The following GFRA2 variants were observed in gnomAD, a reference collection of about 807,000 sequenced individuals.
GFRA2 encodes GDNF family receptor alpha-2.
Under a neutral mutation model 48.3 loss-of-function variants are expected in GFRA2, and 17 were observed. The observed-to-expected ratio is 0.35, with a 90% CI of 0.24 to 0.53. The LOEUF (loss-of-function observed/expected upper bound fraction) is 0.53. Ranked by LOEUF, GFRA2 falls within the 20% of genes least tolerant of loss-of-function variation. GFRA2 has a pLI of 0.93. For missense variants in GFRA2, 660 were observed against 637.3 expected (o/e 1.04, Z -0.38); for synonymous variants, 305 against 257.2 (o/e 1.19, Z -1.78).
chr8:21,764,855 C>T (rs2117661980), intron 3 of GFRA2, among the ~76,000 whole-genome samples: 1 of 152,294 alleles, frequency 6.6e-6, no homozygotes, highest in African/African-American at 2.4e-5. Context: ...TTCACTACTC[C>T]CCTTCCTAGC....
Position 21,788,676 on chromosome 8 carries a change from CGA to C in GFRA2, c.-519_-518del. 4.1e-6 allele frequency: 4 copies of C among 985,790 alleles called. No homozygotes were observed. Among genetic ancestry groups the C allele is most frequent in the Non-Finnish European group, 4.8e-6 (4 of 830,140 alleles). The allele number at this position is 985,790 out of a possible 1,614,324, so 61.1% of individuals were successfully genotyped here. On this transcript the variant is annotated 5_prime_UTR_variant, in exon 1 of 9. Coordinates refer to ENST00000524240, the MANE Select transcript of GFRA2 (RefSeq NM_001495.5). ...AACAATCCAGTCGGAGCTTCGAGGA[CGA>C]GAGACTGGAGTCGCTTCTTTCGCAC...
In GFRA2 at chr8:21,705,003, T is replaced by C. The variant is rs1802668295; in HGVS notation, c.1027A>G (p.Thr343Ala). ...EECEKFLRDF[T>A]ENPCLRNAIQ... is the part of the protein sequence containing the mutation. ...AACTTACGGAGGCATGGGTTCTCGG[T>C]GAAGTCCCTGAGGAACTTCTCACAC... Residue 343 changes from threonine (T) to alanine (A), a missense_variant, in exon 6 of 9, where the codon ACC becomes GCC. Transcript: ENST00000524240. The C allele has an allele frequency of 3.7e-6, 6 of 1,610,304 alleles. No individual in the cohort carries two copies. The highest frequency in any genetic ancestry group is 1.1e-5 in the South Asian group (1 of 89,908).
At chr8:21,797,287 C>CTTTTTTTTTTTTTTTTTTTTTTTTT (rs1159867192) in intron 2 of GFRA2, among the ~76,000 whole-genome samples, 3 of 85,646 alleles carry the variant, frequency 3.5e-5, no homozygotes, top group African/African-American at 4.8e-5. Context: ...CCTTTCTTTG[C>CTTTTTTTTTTTTTTTTTTTTTTTTT]TTTTTTTTTT....
intron 4 of GFRA2, among the ~76,000 whole-genome samples, chr8:21,707,385 G>A (rs1405560441): frequency 6.6e-6 from 1 of 152,238 alleles, no homozygotes; most frequent in Non-Finnish European, 1.5e-5. Context: ...GAGAGGGACT[G>A]AGCCAGCCTG....
chr8:21,710,239 C>G (rs564228698), intron 4 of GFRA2, among the ~76,000 whole-genome samples: 2 of 152,172 alleles, frequency 1.3e-5, no homozygotes, highest in Non-Finnish European at 2.9e-5. Context: ...CCTTGGGCTG[C>G]GACAGAGAGC....
intron 2 of GFRA2, chr8:21,797,324 T>G (rs1807696028): frequency 7.6e-6 from 1 of 131,426 alleles, no homozygotes; most frequent in African/African-American, 2.9e-5. Context: ...ATGGTCTCAC[T>G]TTGTCACCCA....
chr8:21,783,134 G>T (rs940884872), intron 1 of GFRA2: 13 of 678,918 alleles, frequency 1.9e-5, no homozygotes, highest in Non-Finnish European at 3.2e-5. Context: ...CTCAGCAGCG[G>T]CCCTGGGCCT....
intron 3 of GFRA2, among the ~76,000 whole-genome samples, chr8:21,771,927 C>T (rs1806456549): frequency 6.6e-6 from 1 of 152,106 alleles, no homozygotes. Flanking sequence ...GGGTGGCAGC[C>T]TTTTAATGCC....
In GFRA2 at chr8:21,727,512, C is replaced by A. The variant is rs4321997; in HGVS notation, c.795-21471G>T. 1.9e-3 allele frequency among the ~76,000 whole-genome samples: 291 copies of A among 152,322 alleles called. 2 individuals are homozygous for A. The highest frequency in any genetic ancestry group is 6.5e-3 in the African/African-American group (272 of 41,572). On this transcript the variant is annotated intron_variant, in intron 4 of 8. Coordinates refer to ENST00000524240, the MANE Select transcript of GFRA2 (RefSeq NM_001495.5). ...GTGGGGCTTGAGCCTCAGCGCTCCA[C>A]GCCTGGACACCACCTCCCCATCACG...
chr8:21,731,197 C>T (rs975881147), intron 4 of GFRA2, among the ~76,000 whole-genome samples: 1 of 152,116 alleles, frequency 6.6e-6, no homozygotes, highest in African/African-American at 2.4e-5. Context: ...ATGACAGCCT[C>T]GTCTTCTGAG....
intron 3 of GFRA2, among the ~76,000 whole-genome samples, chr8:21,761,904 C>T (rs1010818559): frequency 2.0e-5 from 3 of 152,018 alleles, no homozygotes; most frequent in Admixed American, 6.6e-5. Context: ...GAGCTGAGGG[C>T]TGTCACCACT....
At chr8:21,785,563 CA>C (rs1440468042) in intron 1 of GFRA2, among the ~76,000 whole-genome samples, 3 of 152,180 alleles carry the variant, frequency 2.0e-5, no homozygotes, top group African/African-American at 7.2e-5. Context: ...GCTAGAGACA[CA>C]GGGGTAGAGG....
intron 7 of GFRA2, among the ~76,000 whole-genome samples, chr8:21,701,901 A>G (rs973752797): frequency 1.3e-5 from 2 of 152,118 alleles, no homozygotes; most frequent in Non-Finnish European, 2.9e-5. Context: ...TTTGGACCTT[A>G]TGACCACAAG....
intron 3 of GFRA2, among the ~76,000 whole-genome samples, chr8:21,773,281 C>T (rs1806524043): frequency 6.6e-6 from 1 of 152,170 alleles, no homozygotes; most frequent in African/African-American, 2.4e-5. Flanking sequence ...TGTATGACCC[C>T]ACTGGGGGTT....
intron 1 of GFRA2, among the ~76,000 whole-genome samples, chr8:21,783,521 T>G (rs1807117133): frequency 6.6e-6 from 1 of 151,942 alleles, no homozygotes; most frequent in Non-Finnish European, 1.5e-5. Flanking sequence ...CCCCTCCGAT[T>G]CCCAGTGTAC....
intron 1 of GFRA2, among the ~76,000 whole-genome samples, chr8:21,786,842 C>A (rs1475189213): frequency 6.6e-6 from 1 of 152,200 alleles, no homozygotes; most frequent in African/African-American, 2.4e-5. Flanking sequence ...CCTACCTCCC[C>A]ACTCGTGGCC....
At chr8:21,772,125 A>C (rs1806466079) in intron 3 of GFRA2, among the ~76,000 whole-genome samples, 2 of 152,190 alleles carry the variant, frequency 1.3e-5, no homozygotes, top group African/African-American at 4.8e-5. Flanking sequence ...AAAGGTTGGG[A>C]AGCACTGCTC....
At chr8:21,762,883 T>A (rs1278627853) in intron 3 of GFRA2, among the ~76,000 whole-genome samples, 5 of 152,238 alleles carry the variant, frequency 3.3e-5, no homozygotes, top group Admixed American at 2.0e-4. Context: ...TGAGTTGGGT[T>A]TAATTTTGTA....
intron 2 of GFRA2, among the ~76,000 whole-genome samples, chr8:21,780,248 C>T (rs1226311000): frequency 6.6e-6 from 1 of 152,174 alleles, no homozygotes. Context: ...GGCCGATGGC[C>T]GGCACGGGGA....
Sources: gnomAD v4.1 joint callset for allele counts (sites outside exome capture counted in the v4.1 genomes callset) on GRCh38, gnomAD v4.1.1 for gene constraint, MANE v1.5 for transcripts, NCBI Gene and HGNC (gene_info 2026-07-23, HGNC 2026-07-21) for gene names.